KLHL32: variants seen among roughly 807,000 people sequenced by gnomAD.
KLHL32 encodes kelch-like protein 32.
KLHL32 carries 35 observed loss-of-function variants against 64.8 expected under a neutral mutation model. The ratio of observed to expected loss-of-function variants is 0.54; its 90% CI spans 0.41 to 0.72. The LOEUF is 0.72. Ranked by LOEUF, KLHL32 falls within the 30% of genes least tolerant of loss-of-function variation. KLHL32 has a pLI of 0.00. For missense variants in KLHL32, 589 were observed against 768.5 expected, an observed-to-expected ratio of 0.77 and a Z score of 2.76; for synonymous variants, 259 against 281.0, an observed-to-expected ratio of 0.92 and a Z score of 0.78.
At chr6:97,038,321 C>T (rs1784593894) in intron 3 of KLHL32, among the ~76,000 whole-genome samples, 1 of 146,854 alleles carries the variant, frequency 6.8e-6, no homozygotes, top group Non-Finnish European at 1.5e-5. Flanking sequence ...AAACAGTTCA[C>T]TAGCAAAAAA....
chr6:97,014,285 A>G (rs1582709001), intron 3 of KLHL32, among the ~76,000 whole-genome samples: 1 of 145,852 alleles, frequency 6.9e-6, no homozygotes, highest in South Asian at 2.2e-4. Flanking sequence ...ACAGAGCGAG[A>G]CTCCGTCTCA....
At chr6:96,961,217 A>G (rs1017975881) in intron 1 of KLHL32, among the ~76,000 whole-genome samples, 2 of 152,206 alleles carry the variant, frequency 1.3e-5, no homozygotes, top group Admixed American at 1.3e-4. Context: ...ATAGGGTTAA[A>G]TAAAACCCCT....
chr6:97,018,533 A>G (rs1417409112), intron 3 of KLHL32, among the ~76,000 whole-genome samples: 1 of 150,454 alleles, frequency 6.6e-6, no homozygotes, highest in African/African-American at 2.5e-5. Flanking sequence ...CCAGGGAGGC[A>G]GAGGTTGCAG....
chr6:96,943,872 T>A (rs1409036300), intron 1 of KLHL32, among the ~76,000 whole-genome samples: 1 of 152,320 alleles, frequency 6.6e-6, no homozygotes, highest in East Asian at 1.9e-4. Flanking sequence ...AAAAGAAGGT[T>A]GTTGGAGGTA....
intron 2 of KLHL32, among the ~76,000 whole-genome samples, chr6:96,969,799 C>T (rs1299253750): frequency 6.6e-6 from 1 of 152,178 alleles, no homozygotes; most frequent in African/African-American, 2.4e-5. Context: ...GCAGATGAGT[C>T]TCAGATTTAC....
chr6:96,999,361 A>C (rs984876344), intron 3 of KLHL32, among the ~76,000 whole-genome samples: 3 of 152,170 alleles, frequency 2.0e-5, no homozygotes, highest in African/African-American at 7.2e-5. Context: ...GTGCCACAGC[A>C]CTCCAGCCTG....
chr6:96,938,522 T>C (rs1387426478), intron 1 of KLHL32, among the ~76,000 whole-genome samples: 1 of 152,170 alleles, frequency 6.6e-6, no homozygotes, highest in Non-Finnish European at 1.5e-5. Flanking sequence ...TGGTCCTCCC[T>C]GATGACCAGT....
chr6:97,028,606 C>T (rs1360698118), intron 3 of KLHL32, among the ~76,000 whole-genome samples: 1 of 152,174 alleles, frequency 6.6e-6, no homozygotes, highest in African/African-American at 2.4e-5. Flanking sequence ...GTCATTCCTT[C>T]GTGCAAGCCC....
chr6:96,991,989 G>C (rs1374047828), intron 3 of KLHL32, among the ~76,000 whole-genome samples: 1 of 152,206 alleles, frequency 6.6e-6, no homozygotes, highest in Non-Finnish European at 1.5e-5. Flanking sequence ...GAGGGCTTCC[G>C]AGCGGCAGAA....
At chr6:96,918,819 G>A in the KLHL32 span, among the ~76,000 whole-genome samples, 12 of 152,256 alleles carry the variant, frequency 7.9e-5, no homozygotes, top group Admixed American at 2.0e-4. Flanking sequence ...GTGTTTTGAA[G>A]CAGTAATGGG....
intron 8 of KLHL32, among the ~76,000 whole-genome samples, chr6:97,128,221 A>G (rs566764306): frequency 3.3e-5 from 5 of 152,358 alleles, no homozygotes; most frequent in South Asian, 4.1e-4. Context: ...CACCAAATCT[A>G]TGTCCCTAGT....
At chr6:96,958,419 A>C (rs931482777) in intron 1 of KLHL32, among the ~76,000 whole-genome samples, 7 of 152,122 alleles carry the variant, frequency 4.6e-5, no homozygotes, top group African/African-American at 1.7e-4. Flanking sequence ...CCAGGCAAAA[A>C]GGAGGGGTAG....
At chr6:96,912,397 T>G in the KLHL32 span, among the ~76,000 whole-genome samples, 1 of 152,096 alleles carries the variant, frequency 6.6e-6, no homozygotes, top group Non-Finnish European at 1.5e-5. Context: ...ATTTCATCAC[T>G]CTCCCCTTGC....
intron 6 of KLHL32, among the ~76,000 whole-genome samples, chr6:97,088,324 C>T (rs891003648): frequency 1.3e-5 from 2 of 152,156 alleles, no homozygotes; most frequent in Non-Finnish European, 2.9e-5. Flanking sequence ...AGAAAGGAGA[C>T]TAAAACTGAA....
chr6:96,906,883 C>T, the KLHL32 span, among the ~76,000 whole-genome samples: 674 of 152,262 alleles, frequency 4.4e-3, 6 homozygotes, highest in East Asian at 0.032. Flanking sequence ...CAACCATGGG[C>T]ACAGTAGCTC....
chr6:96,955,719 C>T (rs1773176078), intron 1 of KLHL32, among the ~76,000 whole-genome samples: 1 of 152,058 alleles, frequency 6.6e-6, no homozygotes. Context: ...GGCAGATCAT[C>T]TGAGGTCAGG....
intron 3 of KLHL32, among the ~76,000 whole-genome samples, chr6:96,977,205 C>CAT (rs1775803500): frequency 6.6e-6 from 1 of 152,124 alleles, no homozygotes; most frequent in Admixed American, 6.5e-5. Context: ...CCATTGTGCA[C>CAT]ATATATATAC....
intron 2 of KLHL32, among the ~76,000 whole-genome samples, chr6:96,971,389 G>A (rs1291525358): frequency 1.3e-5 from 2 of 152,196 alleles, no homozygotes; most frequent in Admixed American, 6.5e-5. Flanking sequence ...TTGCACTAAA[G>A]CAGTGATTCA....
At chr6:97,031,154 G>A (rs1783479107) in intron 3 of KLHL32, among the ~76,000 whole-genome samples, 1 of 152,094 alleles carries the variant, frequency 6.6e-6, no homozygotes, top group Non-Finnish European at 1.5e-5. Context: ...CTAGGCAACT[G>A]GTGTTTCACT....
Sources: gnomAD v4.1 joint callset for allele counts (sites outside exome capture counted in the v4.1 genomes callset) on GRCh38, gnomAD v4.1.1 for gene constraint, MANE v1.5 for transcripts, NCBI Gene and HGNC (gene_info 2026-07-23, HGNC 2026-07-21) for gene names.